RNPS1: variants seen among roughly 807,000 people sequenced by gnomAD.
The protein encoded by RNPS1 is RNA binding protein with serine rich domain 1, also known as RNA-binding protein with serine-rich domain 1.
For synonymous variants in RNPS1, 147 were observed against 150.0 expected, an observed-to-expected ratio of 0.98 and a Z score of 0.15; for missense variants, 300 against 427.6, an observed-to-expected ratio of 0.70 and a Z score of 2.63.
At chr16:2,263,402 G>T in intron 3 of RNPS1, 115 bp from the exon 4 acceptor site, 1 of 989,970 alleles carries the variant, frequency 1.0e-6, no homozygotes, top group Non-Finnish European at 1.5e-6. Context: ...GTGCCTCCAG[G>T]CCTCACTGCT....
At position 2,259,054 on chromosome 16, in the gene RNPS1, C is replaced by T. The variant is rs111367774; in HGVS notation, c.676+3224G>A. On this transcript the variant is annotated intron_variant, in intron 6 of 7. Transcript: ENST00000320225. ...AGGAGAACTGCTTGAACCCAGGAGG[C>T]GGAGGTTGCAGTGAGCCAAGATTGC... Among the ~76,000 whole-genome samples, 688 of 144,278 alleles carry T rather than the reference C, an allele frequency of 4.8e-3. 6 individuals carry two copies. Among genetic ancestry groups the T allele is most frequent in the African/African-American group, 0.017 (660 of 38,844 alleles). 94.7% of individuals were successfully genotyped at this position (144,278 alleles called of 152,430 possible).
At chr16:2,258,064 A>G (rs1257382636) in intron 6 of RNPS1, 2 of 152,244 alleles carry the variant, frequency 1.3e-5, no homozygotes, top group African/African-American at 4.8e-5. Flanking sequence ...TTTTAAAACC[A>G]TTCTGCCAGA....
At chr16:2,264,516 G>A in intron 2 of RNPS1, 57 bp downstream of exon 2, 1 of 1,569,152 alleles carries the variant, frequency 6.4e-7, no homozygotes, top group African/African-American at 1.4e-5. Context: ...CCTTTCTGCG[G>A]GTCCCTAGCA....
chr16:2,263,953 C>A, intron 3 of RNPS1: 1 of 424,810 alleles, frequency 2.4e-6, no homozygotes, highest in Non-Finnish European at 4.2e-6. Context: ...TGGTCTTGAA[C>A]TCCAGGCCCC....
intron 1 of RNPS1, chr16:2,265,183 T>C (rs1005291186): frequency 1.0e-4 from 16 of 152,794 alleles, no homozygotes; most frequent in African/African-American, 3.6e-4. Flanking sequence ...AATTTCCCCT[T>C]AGGATACACT....
intron 6 of RNPS1, among the ~76,000 whole-genome samples, chr16:2,261,349 C>T (rs566682798): frequency 1.3e-5 from 2 of 152,252 alleles, no homozygotes; most frequent in South Asian, 2.1e-4. Flanking sequence ...GGTGCTGCCT[C>T]GAAGCCCCCA....
chr16:2,262,551 C>CA, intron 5 of RNPS1, 120 bp from the exon 6 acceptor site: 1 of 1,110,934 alleles, frequency 9.0e-7, no homozygotes, highest in Non-Finnish European at 1.3e-6. Flanking sequence ...TGATGAGTAC[C>CA]AGTGTTGTTC....
In RNPS1 at chr16:2,253,729, A is replaced by G; in HGVS notation, c.*235T>C. 1 of 637,916 alleles carries G rather than the reference A, an allele frequency of 1.6e-6. No individual in the cohort carries two copies. The highest frequency in any genetic ancestry group is 2.8e-6 in the Non-Finnish European group (1 of 353,078). 39.5% of individuals were successfully genotyped at this position (637,916 alleles called of 1,614,324 possible). ...CACTGAACTGACTCTTAGAAACCGG[A>G]AACGGATGAGCTTTCTAGCCAGAAA... On this transcript the variant is annotated 3_prime_UTR_variant, in exon 8 of 8. Transcript: ENST00000320225.
chr16:2,264,925 A>T (rs1437080203), intron 1 of RNPS1, 165 bp from the exon 2 acceptor site: 1 of 402,944 alleles, frequency 2.5e-6, no homozygotes, highest in Non-Finnish European at 4.3e-6. Context: ...GTGCTCCTGG[A>T]GGCGTCTCTA....
intron 7 of RNPS1, among the ~76,000 whole-genome samples, chr16:2,255,225 C>G (rs2093572423): frequency 6.6e-6 from 1 of 152,216 alleles, no homozygotes; most frequent in Non-Finnish European, 1.5e-5. Flanking sequence ...CGAGGGATTA[C>G]CACCCCCGCC....
chr16:2,260,142 G>A (rs1314551320), intron 6 of RNPS1, among the ~76,000 whole-genome samples: 1 of 125,544 alleles, frequency 8.0e-6, no homozygotes, highest in Non-Finnish European at 1.7e-5. Context: ...GTGTGTGTGT[G>A]TATTCTTTTT....
chr16:2,260,799 A>C (rs1204046146), intron 6 of RNPS1, among the ~76,000 whole-genome samples: 5 of 152,256 alleles, frequency 3.3e-5, no homozygotes, highest in African/African-American at 1.2e-4. Context: ...AATAAATACC[A>C]GTCCTATTTG....
chr16:2,264,378 C>A lies in RNPS1; in HGVS notation c.72-47G>T, dbSNP rs752442843. ...GAGATTGCGTGCTCCTCTGACCAAA[C>A]CCAAACAGCACAACCCAAAACGGGG... On this transcript the variant is annotated intron_variant, in intron 2 of 7. Transcript: ENST00000320225. The A allele has an allele frequency of 1.9e-6, 3 of 1,612,674 alleles. No individual in the cohort carries two copies. The Admixed American group carries it at 5.0e-5, about 27-fold the overall frequency.
intron 7 of RNPS1, 96 bp downstream of exon 7, chr16:2,255,489 T>C: frequency 7.1e-7 from 1 of 1,402,510 alleles, no homozygotes; most frequent in South Asian, 1.4e-5. Context: ...CGCACAGCAG[T>C]GGAAGGCAGG....
intron 6 of RNPS1, among the ~76,000 whole-genome samples, chr16:2,259,152 T>A (rs920834394): frequency 6.6e-6 from 1 of 151,858 alleles, no homozygotes; most frequent in Non-Finnish European, 1.5e-5. Context: ...GATTGGGTTT[T>A]AACATTAACA....
Position 2,263,047 on chromosome 16 carries a change from C to T in RNPS1, c.419+49G>A, listed in dbSNP as rs190979847. 106 of 1,582,456 alleles carry T rather than the reference C, an allele frequency of 6.7e-5. No individual in the cohort carries two copies. In the African/African-American group the frequency reaches 1.4e-3, roughly 20 times the overall value. On this transcript the variant is annotated intron_variant, in intron 4 of 7. Transcript: ENST00000320225. ...CCCTTTTATAACCTCGATGGTAAAT[C>T]TGTAGCCCCGAGCTTGTAAACTTTA...
intron 1 of RNPS1, chr16:2,266,092 C>A (rs2093624072): frequency 1.0e-6 from 1 of 984,774 alleles, no homozygotes; most frequent in East Asian, 1.1e-4. Flanking sequence ...AATGGAGTCT[C>A]AGCTACTTCT....
intron 6 of RNPS1, chr16:2,258,297 T>C (rs771006338): frequency 1.3e-5 from 2 of 152,218 alleles, no homozygotes; most frequent in Non-Finnish European, 2.9e-5. Context: ...TTTTAACAGA[T>C]TGGAAACTCT....
intron 1 of RNPS1, chr16:2,266,312 T>C (rs1345964872): frequency 1.0e-6 from 1 of 985,402 alleles, no homozygotes; most frequent in Non-Finnish European, 1.2e-6. Flanking sequence ...AGGGGTAAAA[T>C]GTTTTGCTTT....
Sources: gnomAD v4.1 joint callset for allele counts (sites outside exome capture counted in the v4.1 genomes callset) on GRCh38, gnomAD v4.1.1 for gene constraint, MANE v1.5 for transcripts, NCBI Gene and HGNC (gene_info 2026-07-23, HGNC 2026-07-21) for gene names.